Variants in PRMT7 observed in about 807,000 individuals in gnomAD.
PRMT7 encodes protein arginine N-methyltransferase 7.
Under a neutral mutation model 85.4 loss-of-function variants are expected in PRMT7, and 75 were observed. That is an observed-to-expected ratio of 0.88 (90% CI 0.73 to 1.06). The LOEUF (loss-of-function observed/expected upper bound fraction) is 1.06, where lower values mean the gene tolerates loss of function less well. PRMT7 is among the 50% of genes least tolerant of loss of function. PRMT7 has a pLI of 0.00. For missense variants in PRMT7, 868 were observed against 915.2 expected (o/e 0.95, Z 0.67); for synonymous variants, 397 against 359.5 (o/e 1.10, Z -1.18).
intron 2 of PRMT7, among the ~76,000 whole-genome samples, chr16:68,313,671 T>C (rs2044277676): frequency 1.3e-5 from 2 of 152,248 alleles, no homozygotes; most frequent in African/African-American, 4.8e-5. Flanking sequence ...ATTCTGACAG[T>C]TCTAGATATT....
At chr16:68,352,457 G>GGGAACCTTGTTTTCTTGCA in intron 15 of PRMT7, 48 bp downstream of exon 15, 1 of 1,549,190 alleles carries the variant, frequency 6.5e-7, no homozygotes, top group Non-Finnish European at 8.7e-7. Context: ...GAGGCGGGTG[G>GGGAACCTTGTTTTCTTGCA]GGAACCTTGT....
chr16:68,321,547 T>C (rs2082498883), intron 4 of PRMT7, 85 bp downstream of exon 4: 1 of 1,272,704 alleles, frequency 7.9e-7, no homozygotes, highest in Non-Finnish European at 1.1e-6. Context: ...CTGGGGGTCA[T>C]GATGTTAAAT....
At chr16:68,354,446 A>T (rs1405879969) in intron 16 of PRMT7, 1 of 152,280 alleles carries the variant, frequency 6.6e-6, no homozygotes, top group Non-Finnish European at 1.5e-5. Flanking sequence ...GCAGCTATGC[A>T]TCGGGAGGTG....
intron 7 of PRMT7, among the ~76,000 whole-genome samples, chr16:68,338,485 G>A (rs2085025578): frequency 6.6e-6 from 1 of 152,044 alleles, no homozygotes; most frequent in African/African-American, 2.4e-5. Context: ...GATTTACTCA[G>A]TGAAGAGGGC....
intron 9 of PRMT7, among the ~76,000 whole-genome samples, chr16:68,341,535 G>A (rs937061259): frequency 1.3e-5 from 2 of 152,148 alleles, no homozygotes; most frequent in African/African-American, 2.4e-5. Flanking sequence ...TCAGCCCCCT[G>A]AGTAGCTGGG....
chr16:68,348,945 C>G (rs182899585), intron 14 of PRMT7, among the ~76,000 whole-genome samples: 1 of 152,212 alleles, frequency 6.6e-6, no homozygotes, highest in East Asian at 1.9e-4. Flanking sequence ...GGCTGTACTG[C>G]TCTTAGCTCA....
At chr16:68,348,275 A>AT (rs201896491) in intron 13 of PRMT7, 67 bp from the exon 14 acceptor site, 2,492 of 1,279,352 alleles carry the variant, frequency 1.9e-3, no homozygotes, top group Non-Finnish European at 2.2e-3. Flanking sequence ...ACTTTGAGAG[A>AT]TTTTTTTTTC....
intron 14 of PRMT7, 87 bp from the exon 15 acceptor site, chr16:68,352,161 G>T: frequency 2.9e-6 from 4 of 1,401,412 alleles, no homozygotes; most frequent in Non-Finnish European, 3.9e-6. Flanking sequence ...TTGAGTGACT[G>T]AGTGGCCTGT....
intron 3 of PRMT7, among the ~76,000 whole-genome samples, chr16:68,316,447 T>TC (rs2081866610): frequency 1.3e-5 from 2 of 152,148 alleles, no homozygotes; most frequent in Non-Finnish European, 2.9e-5. Flanking sequence ...GTTTTTTTTT[T>TC]CCCTTAGAAG....
intron 5 of PRMT7, among the ~76,000 whole-genome samples, chr16:68,327,291 G>T (rs182360967): frequency 3.2e-4 from 49 of 152,284 alleles, no homozygotes; most frequent in African/African-American, 1.1e-3. Context: ...CGTGTGTAGG[G>T]CCACACGTGA....
chr16:68,319,703 AGAGT>A (rs762905824), intron 3 of PRMT7, among the ~76,000 whole-genome samples: 1 of 57,780 alleles, frequency 1.7e-5, no homozygotes, highest in South Asian at 5.0e-4. Context: ...CTTCTCAATA[AGAGT>A]GAGAGTGTGT....
chr16:68,326,911 G>A (rs186419874), intron 5 of PRMT7, among the ~76,000 whole-genome samples: 98 of 152,308 alleles, frequency 6.4e-4, no homozygotes, highest in Admixed American at 1.8e-3. Context: ...AGGCAGCAGG[G>A]GTGAGGGACG....
chr16:68,351,127 A>G (rs543460192), intron 14 of PRMT7, among the ~76,000 whole-genome samples: 1 of 152,298 alleles, frequency 6.6e-6, no homozygotes, highest in African/African-American at 2.4e-5. Context: ...GTCACATTGA[A>G]TTGGAGTGGT....
At chr16:68,348,676 G>T (rs187210145) in intron 14 of PRMT7, among the ~76,000 whole-genome samples, 1 of 131,294 alleles carries the variant, frequency 7.6e-6, no homozygotes, top group Non-Finnish European at 1.5e-5. Context: ...GGGGTCTCGC[G>T]CTGTCGTCCA....
rs767456614 is a variant in PRMT7, at chr16:68,311,063, G to A, written c.-255G>A. The stretch of plus-strand genomic sequence containing the variant: ...CCGCGTGCTGGCCGCGGTAAAAGTG[G>A]TAGCAGCGGAGGCGAGCGGAGGGTT... On this transcript the variant is annotated 5_prime_UTR_variant, in exon 1 of 19. Coordinates refer to ENST00000441236, the MANE Select transcript of PRMT7 (RefSeq NM_019023.5). 2.8e-5 allele frequency: 23 copies of A among 830,328 alleles called. No individual in the cohort carries two copies. Among genetic ancestry groups the A allele is most frequent in the Non-Finnish European group, 4.4e-5 (22 of 503,940 alleles). The allele number at this position is 830,328 out of a possible 1,614,324, so 51.4% of individuals were successfully genotyped here. A position where few individuals can be genotyped will look rare whatever the true frequency, so the allele number is the denominator to read the frequency against.
intron 9 of PRMT7, among the ~76,000 whole-genome samples, chr16:68,341,440 G>A (rs944739129): frequency 6.6e-6 from 1 of 152,156 alleles, no homozygotes; most frequent in African/African-American, 2.4e-5. Flanking sequence ...ATGGAGTTTC[G>A]TTCTTGTTGG....
chr16:68,340,573 C>A, intron 9 of PRMT7, among the ~76,000 whole-genome samples: 1 of 118,572 alleles, frequency 8.4e-6, no homozygotes, highest in African/African-American at 3.5e-5. Context: ...AAGATGAGAA[C>A]CTGTCTCTAA....
chr16:68,345,818 T>TGGG lies in PRMT7; in HGVS notation c.1055+19_1055+21dup, dbSNP rs1245961516. The TGGG allele has an allele frequency of 3.1e-6, 5 of 1,613,668 alleles. No homozygotes were observed. In the Admixed American group the frequency reaches 8.3e-5, roughly 27 times the overall value. Reference sequence around the variant, plus strand: ...AGAGGACCAGGTACGTCGAGCCTCGTGGGGGTGGAGGATGAGCCTCTGAGA... The same window carrying TGGG: ...AGAGGACCAGGTACGTCGAGCCTCGTGGGGGGGGTGGAGGATGAGCCTCTGAGA... On this transcript the variant is annotated intron_variant, in intron 10 of 18. Transcript: ENST00000441236.
At chr16:68,355,698 C>A (rs2088283774) in intron 16 of PRMT7, 25 bp from the exon 17 acceptor site, 2 of 1,511,960 alleles carry the variant, frequency 1.3e-6, no homozygotes, top group East Asian at 4.9e-5. Context: ...GTCTCTGCAG[C>A]CCCCAGGCCC....
Sources: gnomAD v4.1 joint callset for allele counts (sites outside exome capture counted in the v4.1 genomes callset) on GRCh38, gnomAD v4.1.1 for gene constraint, MANE v1.5 for transcripts, NCBI Gene and HGNC (gene_info 2026-07-23, HGNC 2026-07-21) for gene names.